The following KLHL32 variants were observed in gnomAD, a reference collection of about 807,000 sequenced individuals.
KLHL32 encodes the protein kelch-like protein 32.
KLHL32 carries 35 observed loss-of-function variants against 64.8 expected under a neutral mutation model. The ratio of observed to expected loss-of-function variants is 0.54; its 90% CI spans 0.41 to 0.72. KLHL32 has a LOEUF of 0.72. Among genes scored for constraint, KLHL32 ranks in the 30% least tolerant of loss-of-function variants. The probability of loss-of-function intolerance (pLI) is 0.00; values close to 1 mark genes in which losing one functional copy is unlikely to be tolerated. For missense variants in KLHL32, 589 were observed against 768.5 expected, an observed-to-expected ratio of 0.77 and a Z score of 2.76; for synonymous variants, 259 against 281.0, an observed-to-expected ratio of 0.92 and a Z score of 0.78.
chr6:97,057,453 A>AT (rs1296512697), intron 4 of KLHL32, among the ~76,000 whole-genome samples: 1 of 89,150 alleles, frequency 1.1e-5, no homozygotes, highest in African/African-American at 7.2e-5. Flanking sequence ...AAGTGCTGGG[A>AT]TTACAGGCGT....
chr6:96,942,649 T>C (rs1771432394), intron 1 of KLHL32, among the ~76,000 whole-genome samples: 1 of 105,622 alleles, frequency 9.5e-6, no homozygotes, highest in Admixed American at 1.0e-4. Flanking sequence ...TTGCTACAGC[T>C]GTGGGGTGTG....
At chr6:96,990,835 A>G (rs1777773738) in intron 3 of KLHL32, among the ~76,000 whole-genome samples, 1 of 152,176 alleles carries the variant, frequency 6.6e-6, no homozygotes, top group South Asian at 2.1e-4. Flanking sequence ...CTTCTCTTTA[A>G]GATGGCTGTG....
intron 3 of KLHL32, among the ~76,000 whole-genome samples, chr6:97,036,160 T>G (rs373477313): frequency 9.5e-4 from 145 of 152,330 alleles, no homozygotes; most frequent in African/African-American, 3.4e-3. Flanking sequence ...ATTGTGTTCT[T>G]CAGCTTCAGA....
intron 3 of KLHL32, among the ~76,000 whole-genome samples, chr6:96,991,896 G>C (rs1015015035): frequency 6.6e-6 from 1 of 152,094 alleles, no homozygotes; most frequent in Non-Finnish European, 1.5e-5. Flanking sequence ...CCGCTTTTCC[G>C]GGTAAGGTGG....
chr6:97,068,709 C>A (rs1790210971), intron 5 of KLHL32, among the ~76,000 whole-genome samples: 2 of 152,146 alleles, frequency 1.3e-5, no homozygotes. Flanking sequence ...TAAGGTTTTA[C>A]AAATAAGGTG....
chr6:96,958,548 C>A (rs574181653), intron 1 of KLHL32, among the ~76,000 whole-genome samples: 1 of 152,132 alleles, frequency 6.6e-6, no homozygotes, highest in Non-Finnish European at 1.5e-5. Context: ...TGGTAAAACA[C>A]AAGGCTGGTA....
At chr6:97,067,649 C>A (rs1790014156) in intron 5 of KLHL32, among the ~76,000 whole-genome samples, 1 of 152,158 alleles carries the variant, frequency 6.6e-6, no homozygotes, top group Non-Finnish European at 1.5e-5. Flanking sequence ...TGCTAAGTCA[C>A]CCCTTAACAC....
At chr6:97,070,807 A>G (rs1020658140) in intron 5 of KLHL32, among the ~76,000 whole-genome samples, 16 of 152,206 alleles carry the variant, frequency 1.1e-4, no homozygotes, top group African/African-American at 3.9e-4. Context: ...CAGAATCAAT[A>G]ATCAAAACAA....
intron 6 of KLHL32, among the ~76,000 whole-genome samples, chr6:97,100,371 C>T (rs1350877571): frequency 6.6e-6 from 1 of 152,136 alleles, no homozygotes; most frequent in East Asian, 1.9e-4. Context: ...TTGCAGCTCA[C>T]TGACAGTGTA....
the KLHL32 span, among the ~76,000 whole-genome samples, chr6:96,901,010 G>T: frequency 6.6e-6 from 1 of 152,146 alleles, no homozygotes; most frequent in Non-Finnish European, 1.5e-5. Flanking sequence ...GGAGCGGGGG[G>T]TAGTGCCACA....
At chr6:97,025,823 T>C (rs1407838826) in intron 3 of KLHL32, among the ~76,000 whole-genome samples, 1 of 152,192 alleles carries the variant, frequency 6.6e-6, no homozygotes, top group Non-Finnish European at 1.5e-5. Context: ...GAGGTAATAG[T>C]AGTACCTGAC....
At chr6:97,028,761 T>C (rs1242377431) in intron 3 of KLHL32, among the ~76,000 whole-genome samples, 1 of 152,218 alleles carries the variant, frequency 6.6e-6, no homozygotes, top group African/African-American at 2.4e-5. Flanking sequence ...ATTAATTCGA[T>C]TCATTCAATA....
chr6:97,066,796 C>T (rs1041785800), intron 5 of KLHL32, among the ~76,000 whole-genome samples: 3 of 152,120 alleles, frequency 2.0e-5, no homozygotes, highest in Admixed American at 2.0e-4. Flanking sequence ...GTCTCCATAG[C>T]TATATCTATT....
chr6:96,999,572 T>A (rs1778793072), intron 3 of KLHL32: 1 of 955,624 alleles, frequency 1.0e-6, no homozygotes, highest in African/African-American at 1.8e-5. Flanking sequence ...ATTAGGACCA[T>A]TTTTTCCCTG....
chr6:97,041,558 C>G lies in KLHL32; in HGVS notation c.271C>G (p.Leu91Val). The G allele has an allele frequency of 6.2e-7, 1 of 1,613,788 alleles. No individual in the cohort carries two copies. Among genetic ancestry groups the G allele is most frequent in the Non-Finnish European group, 8.5e-7 (1 of 1,179,762 alleles). ...DEVNLHGVTS[L>V]GLKQALEFAY... is the part of the protein sequence containing the mutation. ...GGTTAATTTGCACGGTGTGACCAGC[C>G]TTGGCTTAAAGCAGGCTCTGGAGTT... The change falls in exon 4 of 11, where the codon CTT becomes GTT. Residue 91 changes from leucine (L) to valine (V), a missense_variant. Physicochemically the swap from Leu to Val is conservative, Grantham distance 32. This residue lies in a region of KLHL32 where 191 missense variants were observed against 223.3 expected (regional missense o/e 0.86). Transcript: ENST00000369261.
At chr6:97,048,343 A>G (rs1477710269) in intron 4 of KLHL32, among the ~76,000 whole-genome samples, 1 of 152,202 alleles carries the variant, frequency 6.6e-6, no homozygotes, top group Admixed American at 6.5e-5. Context: ...GGCTTCTGAA[A>G]ATCATAGAAG....
At chr6:97,030,447 A>G (rs1392874027) in intron 3 of KLHL32, among the ~76,000 whole-genome samples, 2 of 152,240 alleles carry the variant, frequency 1.3e-5, no homozygotes, top group Non-Finnish European at 2.9e-5. Flanking sequence ...GTAGGCACTT[A>G]AAGTGGATTA....
At chr6:96,982,450 G>T (rs543223003) in intron 3 of KLHL32, among the ~76,000 whole-genome samples, 1 of 152,120 alleles carries the variant, frequency 6.6e-6, no homozygotes, top group Non-Finnish European at 1.5e-5. Context: ...GTCATTGCAT[G>T]TGAGATGGGT....
intron 5 of KLHL32, among the ~76,000 whole-genome samples, chr6:97,084,067 A>G (rs1423246872): frequency 2.6e-5 from 4 of 152,164 alleles, no homozygotes; most frequent in African/African-American, 4.8e-5. Flanking sequence ...GGTGCAAACT[A>G]TGCACCTCAG....
Sources: gnomAD v4.1 joint callset for allele counts (sites outside exome capture counted in the v4.1 genomes callset) on GRCh38, gnomAD v4.1.1 for gene constraint, gnomAD v4.1.1 regional missense constraint, MANE v1.5 for transcripts, NCBI Gene and HGNC (gene_info 2026-07-23, HGNC 2026-07-21) for gene names.